The following MAVS variants were observed in gnomAD, a reference collection of about 807,000 sequenced individuals.
The protein encoded by MAVS is mitochondrial antiviral-signaling protein.
MAVS carries 20 observed loss-of-function variants against 30.2 expected under a neutral mutation model. The ratio of observed to expected loss-of-function variants is 0.66; its 90% confidence interval spans 0.47 to 0.96. MAVS has a LOEUF of 0.96. MAVS is among the 40% of genes least tolerant of loss of function. The pLI, the probability that MAVS is intolerant of heterozygous loss-of-function variation, is 0.00. For missense variants in MAVS, 624 were observed against 701.1 expected (o/e 0.89, Z 1.24); for synonymous variants, 278 against 293.9 (o/e 0.95, Z 0.55).
At position 3,871,811 on chromosome 20, in the gene MAVS, T is replaced by C. The variant is rs989475665; in HGVS notation, c.*5664T>C. 3.3e-5 allele frequency: 5 copies of C among 152,342 alleles called. No homozygotes were observed. The highest frequency in any genetic ancestry group is 1.3e-4 in the Admixed American group (2 of 15,262). 9.4% of individuals were successfully genotyped at this position (152,342 alleles called of 1,614,324 possible). A position where few individuals can be genotyped will look rare whatever the true frequency, so the allele number is the denominator to read the frequency against. On this transcript the variant is annotated 3_prime_UTR_variant, in exon 7 of 7. Coordinates refer to ENST00000428216, the MANE Select transcript of MAVS (RefSeq NM_020746.5). ...CTTTTAGCCCAAGGCTATGAAGGCC[T>C]CATTCGGTGCTGGGCATGGTCACTC...
At chr20:3,858,907 C>G (rs184238029) in intron 3 of MAVS, among the ~76,000 whole-genome samples, 1 of 151,712 alleles carries the variant, frequency 6.6e-6, no homozygotes, top group Non-Finnish European at 1.5e-5. Context: ...TCAAGTGATC[C>G]TTCTACCTCA....
chr20:3,851,923 C>G (rs1183366373), intron 1 of MAVS, among the ~76,000 whole-genome samples: 2 of 151,728 alleles, frequency 1.3e-5, no homozygotes, highest in Non-Finnish European at 2.9e-5. Flanking sequence ...CCATTGTACT[C>G]CAGCCTGGGC....
intron 4 of MAVS, 76 bp from the exon 5 acceptor site, chr20:3,862,178 G>A: frequency 6.5e-7 from 1 of 1,532,186 alleles, no homozygotes; most frequent in Non-Finnish European, 8.9e-7. Context: ...TATAGGAGAT[G>A]CCCCAAGAGC....
chr20:3,871,764 T>C lies in MAVS; in HGVS notation c.*5617T>C, dbSNP rs1225198712. On this transcript the variant is annotated 3_prime_UTR_variant, in exon 7 of 7. Transcript: ENST00000428216. Reference sequence around the variant, plus strand: ...GTGTTGAAATTGAGGCCTTCCCCTGTGTTCACCTTTCTGCTCTTTTTCTTT... The same window carrying C: ...GTGTTGAAATTGAGGCCTTCCCCTGCGTTCACCTTTCTGCTCTTTTTCTTT... The C allele has an allele frequency of 6.6e-6, 1 of 152,340 alleles. No individual in the cohort carries two copies. Among genetic ancestry groups the C allele is most frequent in the African/African-American group, 2.4e-5 (1 of 41,440 alleles). The allele number at this position is 152,340 out of a possible 1,614,324, so 9.4% of individuals were successfully genotyped here.
Position 3,849,625 on chromosome 20 carries a change from T to G in MAVS, c.-68+2722T>G, listed in dbSNP as rs989574867. Among the ~76,000 whole-genome samples the G allele has an allele frequency of 8.5e-5, 13 of 152,298 alleles. 1 individual carries two copies. Among genetic ancestry groups the G allele is most frequent in the Admixed American group, 8.5e-4 (13 of 15,288 alleles). On this transcript the variant is annotated intron_variant, in intron 1 of 6. Coordinates refer to ENST00000428216, the MANE Select transcript of MAVS (RefSeq NM_020746.5). Reference sequence around the variant, plus strand: ...CTCTCTGCCTAAAACACCAATCTTCTCAGAGCCTGAGAACAGCTCAGCTGT... The same window carrying G: ...CTCTCTGCCTAAAACACCAATCTTCGCAGAGCCTGAGAACAGCTCAGCTGT...
Position 3,865,916 on chromosome 20 carries a change from C to A in MAVS, c.1392C>A (p.Gly464=). Reference sequence around the variant, plus strand: ...AGGAGAATGAGTATAAGTCCGAGGGCACCTTTGGGATCCACGTGGCTGAGA... The same window carrying A: ...AGGAGAATGAGTATAAGTCCGAGGGAACCTTTGGGATCCACGTGGCTGAGA... ...GPEENEYKSE[G]TFGIHVAENP... Residue 464 remains glycine (G), a synonymous_variant, in exon 7 of 7, where the codon GGC becomes GGA. Transcript: ENST00000428216. This position sits in a 1 kb window ranked among gnomAD's most constrained non-coding sequence, Gnocchi z 4.7. 2 of 1,613,934 alleles carry A rather than the reference C, an allele frequency of 1.2e-6. No homozygotes were observed. The highest frequency in any genetic ancestry group is 1.7e-6 in the Non-Finnish European group (2 of 1,179,958).
chr20:3,856,301 G>A (rs1175776113), intron 2 of MAVS, among the ~76,000 whole-genome samples: 3 of 150,306 alleles, frequency 2.0e-5, no homozygotes, highest in African/African-American at 7.4e-5. Flanking sequence ...TGATCCACCC[G>A]CCTCGGCCTC....
At chr20:3,861,939 G>T (rs924741263) in intron 4 of MAVS, among the ~76,000 whole-genome samples, 1 of 152,138 alleles carries the variant, frequency 6.6e-6, no homozygotes, top group Non-Finnish European at 1.5e-5. Flanking sequence ...AGTAGAGATG[G>T]GGTTTTGCCG....
intron 3 of MAVS, among the ~76,000 whole-genome samples, chr20:3,859,897 A>C (rs2089850498): frequency 6.6e-6 from 1 of 151,584 alleles, no homozygotes; most frequent in Non-Finnish European, 1.5e-5. Flanking sequence ...GCTCACTGCA[A>C]GCTCCGCCTC....
intron 3 of MAVS, among the ~76,000 whole-genome samples, chr20:3,859,096 C>CT (rs1217822139): frequency 1.3e-4 from 20 of 151,954 alleles, no homozygotes; most frequent in Non-Finnish European, 2.9e-4. Flanking sequence ...GGCTCTCATG[C>CT]TTGCTTTTCT....
At chr20:3,851,948 ACT>A (rs1367007479) in intron 1 of MAVS, among the ~76,000 whole-genome samples, 1 of 150,832 alleles carries the variant, frequency 6.6e-6, no homozygotes, top group Non-Finnish European at 1.5e-5. Context: ...AGAGTCTGGA[ACT>A]CTGTCTCAAA....
At position 3,866,450 on chromosome 20, in the gene MAVS, T is replaced by C. The variant is rs2089909775; in HGVS notation, c.*303T>C. ...ATCATCCATGTCCTCCAGAGGAGCT[T>C]CCTCCTCCAGGCCTCAGCCCTGTTG... On this transcript the variant is annotated 3_prime_UTR_variant, in exon 7 of 7. Transcript: ENST00000428216. 2 of 442,734 alleles carry C rather than the reference T, an allele frequency of 4.5e-6. No homozygotes were observed. Among genetic ancestry groups the C allele is most frequent in the East Asian group, 4.0e-5 (1 of 25,140 alleles). 27.4% of individuals were successfully genotyped at this position (442,734 alleles called of 1,614,324 possible). A position where few individuals can be genotyped will look rare whatever the true frequency, so the allele number is the denominator to read the frequency against.
chr20:3,861,269 A>C, intron 3 of MAVS, 63 bp from the exon 4 acceptor site: 1 of 1,500,372 alleles, frequency 6.7e-7, no homozygotes, highest in Non-Finnish European at 9.0e-7. Flanking sequence ...CTGAGATTAC[A>C]GGCATGAGCC....
intron 2 of MAVS, among the ~76,000 whole-genome samples, chr20:3,856,701 G>A (rs1285757331): frequency 6.6e-6 from 1 of 151,930 alleles, no homozygotes; most frequent in African/African-American, 2.4e-5. Flanking sequence ...TGTTTCTGCT[G>A]TCTGGTTGCT....
chr20:3,860,882 G>T (rs1015695537), intron 3 of MAVS, among the ~76,000 whole-genome samples: 1 of 152,026 alleles, frequency 6.6e-6, no homozygotes, highest in African/African-American at 2.4e-5. Flanking sequence ...TCACTATGTT[G>T]GCCAGGCTGG....
Position 3,846,894 on chromosome 20 carries a change from GGTACCC to G in MAVS, c.-75_-70del. Reference sequence around the variant, plus strand: ...GCGGTCGCCAGGTCTCAGGGCCGGGGGTACCCGAGGTAAGATCGCTTCCCGGGCGTT... The same window carrying G: ...GCGGTCGCCAGGTCTCAGGGCCGGGGGAGGTAAGATCGCTTCCCGGGCGTT... On this transcript the variant is annotated 5_prime_UTR_variant, in exon 1 of 7. Transcript: ENST00000428216. 6.6e-6 allele frequency: 1 copy of G among 152,426 alleles called. No homozygotes were observed. Among genetic ancestry groups the G allele is most frequent in the East Asian group, 1.9e-4 (1 of 5,240 alleles). The allele number at this position is 152,426 out of a possible 1,614,324, so 9.4% of individuals were successfully genotyped here. A position where few individuals can be genotyped will look rare whatever the true frequency, so the allele number is the denominator to read the frequency against.
rs1467590506 is a variant in MAVS, at chr20:3,865,337, C to T, written c.1159-346C>T. On this transcript the variant is annotated intron_variant, in intron 6 of 6. Coordinates refer to ENST00000428216, the MANE Select transcript of MAVS (RefSeq NM_020746.5). The surrounding 1 kb of genome is among the most constrained non-coding windows in gnomAD (Gnocchi z 4.7). The stretch of plus-strand genomic sequence containing the variant: ...AGCCAAGTCCATAGGGCCCTTTGGG[C>T]ACATGGCCAGGCCTCTGACCCTGTG... Among the ~76,000 whole-genome samples the T allele has an allele frequency of 6.6e-6, 1 of 152,178 alleles. No homozygotes were observed. Among genetic ancestry groups the T allele is most frequent in the Non-Finnish European group, 1.5e-5 (1 of 68,032 alleles).
At chr20:3,853,322 T>TAA (rs1378225579) in intron 1 of MAVS, among the ~76,000 whole-genome samples, 2 of 149,696 alleles carry the variant, frequency 1.3e-5, no homozygotes, top group Non-Finnish European at 3.0e-5. Context: ...CCGTCTCTAC[T>TAA]AAAATACAAA....
rs1181721001 is a variant in MAVS, at chr20:3,868,027, C to G, written c.*1880C>G. 2 of 152,430 alleles carry G rather than the reference C, an allele frequency of 1.3e-5. No individual in the cohort carries two copies. Among genetic ancestry groups the G allele is most frequent in the Non-Finnish European group, 2.9e-5 (2 of 68,120 alleles). 9.4% of individuals were successfully genotyped at this position (152,430 alleles called of 1,614,324 possible). A position where few individuals can be genotyped will look rare whatever the true frequency, so the allele number is the denominator to read the frequency against. On this transcript the variant is annotated 3_prime_UTR_variant, in exon 7 of 7. Coordinates refer to ENST00000428216, the MANE Select transcript of MAVS (RefSeq NM_020746.5). ...AGCCGTCAGCCTCCAGGGATCTACA[C>G]CCTGCCTTGGCTGCTACAGCTTTTT...
Sources: gnomAD v4.1 joint callset for allele counts (sites outside exome capture counted in the v4.1 genomes callset) on GRCh38, gnomAD v4.1.1 for gene constraint, Gnocchi (gnomAD v3.1) non-coding constraint, MANE v1.5 for transcripts, NCBI Gene and HGNC (gene_info 2026-07-23, HGNC 2026-07-21) for gene names.